DPP10: variants seen among roughly 807,000 people sequenced by gnomAD.
DPP10 encodes the protein dipeptidyl peptidase like 10.
DPP10 carries 33 observed loss-of-function variants against 120.9 expected under a neutral mutation model. The observed-to-expected ratio is 0.27, with a 90% CI of 0.21 to 0.37. DPP10 has a LOEUF of 0.37. Among genes scored for constraint, DPP10 ranks in the 10% least tolerant of loss-of-function variants. The pLI, the probability that DPP10 is intolerant of heterozygous loss-of-function variation, is 1.00. For missense variants in DPP10, 816 were observed against 942.8 expected (o/e 0.87, Z 1.76); for synonymous variants, 337 against 326.1 (o/e 1.03, Z -0.36).
chr2:115,524,762 A>G lies in DPP10; in HGVS notation c.367-1136A>G, dbSNP rs561047497. On this transcript the variant is annotated intron_variant, in intron 4 of 25. Coordinates refer to ENST00000410059, the MANE Select transcript of DPP10 (RefSeq NM_020868.6). Reference sequence around the variant, plus strand: ...CCTCTGATGTTGCAGTCGCATTAGCATGAAATCGAATAAAGTGCAAAGAAG... The same window carrying G: ...CCTCTGATGTTGCAGTCGCATTAGCGTGAAATCGAATAAAGTGCAAAGAAG... Among the ~76,000 whole-genome samples, 3 of 152,276 alleles carry G rather than the reference A, an allele frequency of 2.0e-5. No homozygotes were observed. In the South Asian group the frequency reaches 6.2e-4, roughly 32 times the overall value.
At chr2:115,602,700 G>A (rs2083410120) in intron 5 of DPP10, among the ~76,000 whole-genome samples, 1 of 152,088 alleles carries the variant, frequency 6.6e-6, no homozygotes, top group African/African-American at 2.4e-5. Context: ...TTTCTTTGAG[G>A]GCTCACTCAT....
At chr2:114,795,029 C>T (rs7605832) in intron 1 of DPP10, among the ~76,000 whole-genome samples, 81,297 of 151,982 alleles carry the variant, frequency 0.53, 22,234 homozygotes, top group East Asian at 0.77. Flanking sequence ...GTATACCATT[C>T]GTCTTTTACT....
At chr2:114,902,714 T>C (rs1693680177) in intron 1 of DPP10, among the ~76,000 whole-genome samples, 1 of 152,206 alleles carries the variant, frequency 6.6e-6, no homozygotes. Flanking sequence ...TACTACGAGC[T>C]CGCACACATA....
intron 1 of DPP10, among the ~76,000 whole-genome samples, chr2:114,593,371 G>A (rs905808097): frequency 3.3e-5 from 5 of 152,112 alleles, no homozygotes; most frequent in African/African-American, 1.2e-4. Flanking sequence ...TTCACTGAGT[G>A]CTAAGAGCAG....
chr2:115,183,823 C>T (rs967332050), intron 1 of DPP10, among the ~76,000 whole-genome samples: 2 of 151,906 alleles, frequency 1.3e-5, no homozygotes, highest in Non-Finnish European at 2.9e-5. Flanking sequence ...AAAGCTAGAT[C>T]GAAAGAGCTT....
At chr2:115,744,507 C>T (rs1274536903) in intron 9 of DPP10, among the ~76,000 whole-genome samples, 2 of 150,334 alleles carry the variant, frequency 1.3e-5, no homozygotes, top group Middle Eastern at 3.4e-3. Context: ...CTTTGGCGTG[C>T]GGGAGGCTCA....
At chr2:115,129,465 T>C (rs1432760893) in intron 1 of DPP10, among the ~76,000 whole-genome samples, 1 of 152,210 alleles carries the variant, frequency 6.6e-6, no homozygotes. Context: ...TTCTCAGGCA[T>C]ATTATGATTC....
At chr2:115,702,069 T>C (rs1287363011) in intron 7 of DPP10, among the ~76,000 whole-genome samples, 17 of 152,024 alleles carry the variant, frequency 1.1e-4, no homozygotes, top group Non-Finnish European at 1.5e-5. Flanking sequence ...GAGAATACCA[T>C]TTACTAGTAC....
chr2:114,813,953 C>CAA (rs2106331728), intron 1 of DPP10, among the ~76,000 whole-genome samples: 1 of 148,776 alleles, frequency 6.7e-6, no homozygotes, highest in South Asian at 2.1e-4. Context: ...CACACACACA[C>CAA]ACACACACAC....
At chr2:115,806,940 C>T in intron 19 of DPP10, among the ~76,000 whole-genome samples, 1 of 152,118 alleles carries the variant, frequency 6.6e-6, no homozygotes, top group Middle Eastern at 3.4e-3. Context: ...CAGTTATGTG[C>T]ACGTGAAAAC....
intron 5 of DPP10, among the ~76,000 whole-genome samples, chr2:115,538,509 A>G (rs1039800248): frequency 1.3e-5 from 2 of 152,064 alleles, no homozygotes; most frequent in African/African-American, 2.4e-5. Flanking sequence ...CAGATAATCT[A>G]TATAATCAAG....
rs569393900 is a variant in DPP10 at position 115,812,381 on chromosome 2, A to G, written c.1701-2412A>G. ...AACAAGCATTGGCTGTGTCCTATGCATACTAGAAATTATGCTAGGCATGAT... is the reference window on the plus strand; with the variant it reads ...AACAAGCATTGGCTGTGTCCTATGCGTACTAGAAATTATGCTAGGCATGAT... On this transcript the variant is annotated intron_variant, in intron 19 of 25. Transcript: ENST00000410059. Among the ~76,000 whole-genome samples the G allele has an allele frequency of 3.3e-5, 5 of 152,332 alleles. No homozygotes were observed. In the South Asian group the frequency reaches 6.2e-4, roughly 19 times the overall value.
chr2:115,815,090 AT>A (rs1247912794), intron 20 of DPP10, 103 bp downstream of exon 20: 2 of 1,170,888 alleles, frequency 1.7e-6, no homozygotes, highest in Non-Finnish European at 2.3e-6. Flanking sequence ...TATTTTAGTG[AT>A]TGAGCAATTT....
At chr2:114,545,175 G>A (rs1354064212) in intron 1 of DPP10, among the ~76,000 whole-genome samples, 1 of 151,940 alleles carries the variant, frequency 6.6e-6, no homozygotes, top group East Asian at 1.9e-4. Context: ...TATTTGTTAA[G>A]TAATATGAAA....
At chr2:114,678,740 A>C (rs889974705) in intron 1 of DPP10, among the ~76,000 whole-genome samples, 4 of 152,028 alleles carry the variant, frequency 2.6e-5, no homozygotes, top group African/African-American at 9.7e-5. Context: ...GCAGAAAATT[A>C]ATTGATTGAA....
chr2:115,444,835 G>T (rs1013084295), intron 3 of DPP10, among the ~76,000 whole-genome samples: 1 of 152,126 alleles, frequency 6.6e-6, no homozygotes, highest in Admixed American at 6.5e-5. Context: ...GGTTAGTTTT[G>T]CTGGTAGGCC....
At chr2:115,194,231 T>G (rs1484137138) in intron 1 of DPP10, among the ~76,000 whole-genome samples, 1 of 146,934 alleles carries the variant, frequency 6.8e-6, no homozygotes, top group African/African-American at 2.5e-5. Context: ...GAGTTTGTTG[T>G]TTTTTTTTTT....
rs143690495 is a variant in DPP10 at position 115,299,419 on chromosome 2, G to C, written c.61-9820G>C. Among the ~76,000 whole-genome samples, 30 of 152,066 alleles carry C rather than the reference G, an allele frequency of 2.0e-4. 1 individual carries two copies. In the East Asian group the frequency reaches 5.8e-3, roughly 30 times the overall value. On this transcript the variant is annotated intron_variant, in intron 1 of 25. Coordinates refer to ENST00000410059, the MANE Select transcript of DPP10 (RefSeq NM_020868.6). ...CTCGTGGGAGGCTTCAGCAGTGAAA[G>C]GATTGGAATGCTGATAAGAAATACT...
At position 115,253,069 on chromosome 2, in the gene DPP10, A is replaced by G. The variant is rs748176043; in HGVS notation, c.61-56170A>G. On this transcript the variant is annotated intron_variant, in intron 1 of 25. Coordinates refer to ENST00000410059, the MANE Select transcript of DPP10 (RefSeq NM_020868.6). ...AAGGTGTACGGGAAGCATGGTGCCA[A>G]CATCTGGTTGGCTTCTGGGGAGGTC... Among the ~76,000 whole-genome samples the G allele has an allele frequency of 1.2e-4, 18 of 152,332 alleles. No homozygotes were observed. In the South Asian group the frequency reaches 2.1e-3, roughly 18 times the overall value.
Sources: allele counts gnomAD v4.1 joint callset (sites outside exome capture counted in the v4.1 genomes callset), GRCh38; gene constraint gnomAD v4.1.1; transcripts MANE v1.5; gene names NCBI Gene and HGNC (gene_info 2026-07-23, HGNC 2026-07-21).